NRXN3: variants seen among roughly 807,000 people sequenced by gnomAD.
The protein encoded by NRXN3 is neurexin 3.
In NRXN3, 32 loss-of-function variants were observed where a neutral mutation model predicts 137.6. The observed-to-expected ratio is 0.23, with a 90% CI of 0.18 to 0.31. The LOEUF (loss-of-function observed/expected upper bound fraction) is 0.31, where lower values mean the gene tolerates loss of function less well. Ranked by LOEUF, NRXN3 falls within the 10% of genes least tolerant of loss-of-function variation. NRXN3 has a pLI of 1.00. For missense variants in NRXN3, 1,574 were observed against 2,062.5 expected (o/e 0.76, Z 4.59); for synonymous variants, 798 against 784.5 (o/e 1.02, Z -0.29).
chr14:78,218,509 C>T (rs1254725232), intron 1 of NRXN3, among the ~76,000 whole-genome samples: 1 of 152,192 alleles, frequency 6.6e-6, no homozygotes, highest in Non-Finnish European at 1.5e-5. Flanking sequence ...GGGTAGACCC[C>T]CAGTCCTGGT....
chr14:78,387,869 G>A lies in NRXN3; in HGVS notation c.757+90009G>A, dbSNP rs185740711. ...TGGCCTGGCAAGTAAAAACACATAG[G>A]CATGTCATGGATGTGCCAGAGCTGC... On this transcript the variant is annotated intron_variant, in intron 4 of 20. Coordinates refer to ENST00000335750, the MANE Select transcript of NRXN3 (RefSeq NM_001330195.2). Among the ~76,000 whole-genome samples, 8 of 152,278 alleles carry A rather than the reference G, an allele frequency of 5.3e-5. No individual in the cohort carries two copies. In the East Asian group the frequency reaches 1.5e-3, roughly 29 times the overall value.
chr14:78,566,056 A>T (rs2096832964), intron 4 of NRXN3, among the ~76,000 whole-genome samples: 1 of 152,186 alleles, frequency 6.6e-6, no homozygotes, highest in South Asian at 2.1e-4. Flanking sequence ...TGCCTCAATG[A>T]AACCGTGTTG....
chr14:79,287,250 CAA>C (rs1442777290), intron 15 of NRXN3, among the ~76,000 whole-genome samples: 4 of 152,096 alleles, frequency 2.6e-5, no homozygotes, highest in Admixed American at 6.5e-5. Flanking sequence ...CAGCATGGGA[CAA>C]AAGTCAGCTT....
intron 15 of NRXN3, among the ~76,000 whole-genome samples, chr14:79,176,876 C>T (rs1056334827): frequency 2.0e-5 from 3 of 152,188 alleles, no homozygotes; most frequent in African/African-American, 7.2e-5. Context: ...ACACCTTGCA[C>T]CTATCACTGG....
intron 4 of NRXN3, among the ~76,000 whole-genome samples, chr14:78,340,690 A>C (rs1257514022): frequency 6.6e-6 from 1 of 152,174 alleles, no homozygotes; most frequent in Non-Finnish European, 1.5e-5. Flanking sequence ...TTCTAAAAGA[A>C]TGAAAATAGA....
At chr14:79,441,584 G>T (rs992907836) in intron 15 of NRXN3, among the ~76,000 whole-genome samples, 11 of 151,666 alleles carry the variant, frequency 7.3e-5, no homozygotes, top group Non-Finnish European at 1.6e-4. Flanking sequence ...GTTTCACCGT[G>T]TTAGCCAGGA....
chr14:78,992,248 G>A (rs533720663), intron 15 of NRXN3, among the ~76,000 whole-genome samples: 1 of 152,288 alleles, frequency 6.6e-6, no homozygotes, highest in African/African-American at 2.4e-5. Context: ...GTAGAAGTCA[G>A]TATGATCTGT....
chr14:78,181,297 C>T (rs2059786113), intron 1 of NRXN3, among the ~76,000 whole-genome samples: 1 of 152,154 alleles, frequency 6.6e-6, no homozygotes, highest in Non-Finnish European at 1.5e-5. Context: ...TGAGGTGGGG[C>T]CCAGGAATCT....
At chr14:78,938,537 C>T (rs549888271) in intron 10 of NRXN3, among the ~76,000 whole-genome samples, 4 of 152,166 alleles carry the variant, frequency 2.6e-5, no homozygotes, top group South Asian at 2.1e-4. Context: ...GATAATCCTA[C>T]GTGGATGTGG....
chr14:79,796,823 C>A (rs185181433), intron 19 of NRXN3, among the ~76,000 whole-genome samples: 1 of 152,118 alleles, frequency 6.6e-6, no homozygotes, highest in East Asian at 1.9e-4. Flanking sequence ...GTGGGTGATA[C>A]GATTTGCTTG....
rs112740720 is a variant in NRXN3, at chr14:79,162,458, C to G, written c.3262+174317C>G. Reference sequence around the variant, plus strand: ...ATTTCCAGTTTCATCCATGTCCCTACAAAGGACGTGAACTCATCATTTTTT... The same window carrying G: ...ATTTCCAGTTTCATCCATGTCCCTAGAAAGGACGTGAACTCATCATTTTTT... On this transcript the variant is annotated intron_variant, in intron 15 of 20. Coordinates refer to ENST00000335750, the MANE Select transcript of NRXN3 (RefSeq NM_001330195.2). Among the ~76,000 whole-genome samples the G allele has an allele frequency of 1.3e-3, 199 of 151,984 alleles. 1 individual carries two copies. The highest frequency in any genetic ancestry group is 2.4e-3 in the Non-Finnish European group (164 of 67,938).
chr14:78,750,020 A>C (rs1190057163), intron 8 of NRXN3, among the ~76,000 whole-genome samples: 2 of 152,220 alleles, frequency 1.3e-5, no homozygotes, highest in African/African-American at 4.8e-5. Flanking sequence ...GCTGACCCTC[A>C]GTCTTTGAGA....
chr14:78,924,975 G>C (rs1013985935), intron 10 of NRXN3, among the ~76,000 whole-genome samples: 1 of 152,156 alleles, frequency 6.6e-6, no homozygotes, highest in Non-Finnish European at 1.5e-5. Flanking sequence ...GTATTCACAA[G>C]CAAGAACCTC....
rs2099417884 is a variant in NRXN3, at chr14:79,865,803, T to A, written c.*3839T>A. 1 of 152,154 alleles carries A rather than the reference T, an allele frequency of 6.6e-6. No individual in the cohort carries two copies. Among genetic ancestry groups the A allele is most frequent in the African/African-American group, 2.4e-5 (1 of 41,432 alleles). The allele number at this position is 152,154 out of a possible 1,614,324, so 9.4% of individuals were successfully genotyped here. A position where few individuals can be genotyped will look rare whatever the true frequency, so the allele number is the denominator to read the frequency against. On this transcript the variant is annotated 3_prime_UTR_variant, in exon 21 of 21. Transcript: ENST00000335750. The stretch of plus-strand genomic sequence containing the variant: ...ACCACACCCAGCTCATTTTTTAATT[T>A]ATTTTTTATTTTTTTAGTAAGGAAG...
At chr14:79,028,628 G>A (rs947135403) in intron 15 of NRXN3, among the ~76,000 whole-genome samples, 33 of 152,102 alleles carry the variant, frequency 2.2e-4, no homozygotes, top group Admixed American at 2.2e-3. Flanking sequence ...CTGGTGTTTG[G>A]GAAATGACAG....
chr14:78,721,029 G>C (rs1358246581), intron 8 of NRXN3, among the ~76,000 whole-genome samples: 2 of 152,222 alleles, frequency 1.3e-5, no homozygotes, highest in Admixed American at 6.5e-5. Flanking sequence ...AGAGGGGATA[G>C]AGACATAATC....
At chr14:78,226,025 A>G (rs2064608560) in intron 1 of NRXN3, among the ~76,000 whole-genome samples, 1 of 145,806 alleles carries the variant, frequency 6.9e-6, no homozygotes. Flanking sequence ...GTGTTTTGAG[A>G]TGGAGTCTTG....
chr14:79,377,994 T>C (rs2094354824), intron 15 of NRXN3, among the ~76,000 whole-genome samples: 1 of 152,178 alleles, frequency 6.6e-6, no homozygotes, highest in African/African-American at 2.4e-5. Context: ...GAGTGGGTGC[T>C]TGATAGAAGT....
At chr14:79,827,081 C>G (rs1401869081) in intron 20 of NRXN3, among the ~76,000 whole-genome samples, 2 of 152,144 alleles carry the variant, frequency 1.3e-5, no homozygotes, top group Non-Finnish European at 2.9e-5. Flanking sequence ...ACTGAGGATG[C>G]AAGAGTAAGC....
Sources: gnomAD v4.1 joint callset for allele counts (sites outside exome capture counted in the v4.1 genomes callset) on GRCh38, gnomAD v4.1.1 for gene constraint, MANE v1.5 for transcripts, NCBI Gene and HGNC (gene_info 2026-07-23, HGNC 2026-07-21) for gene names.